TBL1XR1: variants seen among roughly 807,000 people sequenced by gnomAD.
TBL1XR1 encodes F-box-like/WD repeat-containing protein TBL1XR1.
TBL1XR1 carries 5 observed loss-of-function variants against 66.9 expected under a neutral mutation model. The observed-to-expected ratio is 0.07, with a 90% CI of 0.04 to 0.16. TBL1XR1 has a LOEUF of 0.16. TBL1XR1 is among the 10% of genes least tolerant of loss of function. The probability of loss-of-function intolerance (pLI) is 1.00; values close to 1 mark genes in which losing one functional copy is unlikely to be tolerated. For missense variants in TBL1XR1, 238 were observed against 623.2 expected (o/e 0.38, Z 6.58); for synonymous variants, 210 against 206.0 (o/e 1.02, Z -0.17).
At chr3:177,194,843 A>C (rs1469979533) in intron 1 of TBL1XR1, among the ~76,000 whole-genome samples, 1 of 152,194 alleles carries the variant, frequency 6.6e-6, no homozygotes, top group African/African-American at 2.4e-5. Context: ...TACGTATTAA[A>C]ATGCTTAACA....
At position 177,039,930 on chromosome 3, in the gene TBL1XR1, C is replaced by T. The variant is rs116365242; in HGVS notation, c.926-1496G>A. Among the ~76,000 whole-genome samples, 1,111 of 152,286 alleles carry T rather than the reference C, an allele frequency of 7.3e-3. 12 individuals carry two copies. Among genetic ancestry groups the T allele is most frequent in the African/African-American group, 0.025 (1,046 of 41,554 alleles). On this transcript the variant is annotated intron_variant, in intron 10 of 15. Transcript: ENST00000457928. ...CTACAAGGGCAGAGCTGATTAGTGG[C>T]AACTGAGATCTTATGGCCTACAATG...
At chr3:177,195,276 C>G (rs1736685637) in intron 1 of TBL1XR1, among the ~76,000 whole-genome samples, 1 of 151,962 alleles carries the variant, frequency 6.6e-6, no homozygotes, top group Admixed American at 6.6e-5. Flanking sequence ...CCTAACTGCT[C>G]TCAGGCATAC....
At chr3:177,131,413 A>G in intron 1 of TBL1XR1, 1 of 985,248 alleles carries the variant, frequency 1.0e-6, no homozygotes, top group Non-Finnish European at 1.2e-6. Flanking sequence ...AATACTGCAT[A>G]AAGTGCCTGG....
intron 2 of TBL1XR1, among the ~76,000 whole-genome samples, chr3:177,098,082 G>C (rs891840509): frequency 2.0e-5 from 3 of 152,088 alleles, no homozygotes; most frequent in African/African-American, 7.2e-5. Flanking sequence ...GGTGGCGCAT[G>C]CCTGTAATCC....
chr3:177,098,191 A>C (rs146515877), intron 2 of TBL1XR1, among the ~76,000 whole-genome samples: 2 of 150,998 alleles, frequency 1.3e-5, no homozygotes, highest in African/African-American at 4.9e-5. Flanking sequence ...CAGCCTGGCC[A>C]ACAAGAACGA....
intron 15 of TBL1XR1, 35 bp from the exon 16 acceptor site, chr3:177,025,559 A>C (rs1456772427): frequency 3.1e-6 from 5 of 1,597,530 alleles, no homozygotes; most frequent in Non-Finnish European, 4.3e-6. Flanking sequence ...CAGTGTATTC[A>C]GAATTTTATT....
At chr3:177,185,928 T>G (rs1313531613) in intron 1 of TBL1XR1, among the ~76,000 whole-genome samples, 2 of 152,238 alleles carry the variant, frequency 1.3e-5, no homozygotes, top group Non-Finnish European at 2.9e-5. Flanking sequence ...GGAGGACTGC[T>G]TAAGCCCAGG....
chr3:177,109,445 G>T (rs181398823), intron 1 of TBL1XR1, among the ~76,000 whole-genome samples: 1 of 152,264 alleles, frequency 6.6e-6, no homozygotes, highest in East Asian at 1.9e-4. Flanking sequence ...ATTTTGGGAT[G>T]ATTGTAAGAT....
intron 2 of TBL1XR1, among the ~76,000 whole-genome samples, chr3:177,070,494 A>G (rs980989634): frequency 1.3e-5 from 2 of 152,252 alleles, no homozygotes. Flanking sequence ...AGCAGTAATC[A>G]GTCACAGAAC....
intron 2 of TBL1XR1, among the ~76,000 whole-genome samples, chr3:177,077,544 A>G (rs962034517): frequency 2.6e-5 from 4 of 152,116 alleles, no homozygotes; most frequent in African/African-American, 7.2e-5. Flanking sequence ...AGTACCTATC[A>G]CCTGTATTAT....
chr3:177,152,655 A>T (rs1156343710), intron 1 of TBL1XR1, among the ~76,000 whole-genome samples: 1 of 152,128 alleles, frequency 6.6e-6, no homozygotes, highest in Non-Finnish European at 1.5e-5. Context: ...TATTCAAGTC[A>T]TGTTGGTCCT....
chr3:177,142,803 T>C (rs1020364837), intron 1 of TBL1XR1, among the ~76,000 whole-genome samples: 2 of 152,168 alleles, frequency 1.3e-5, no homozygotes, highest in African/African-American at 4.8e-5. Flanking sequence ...ATTTATGAAT[T>C]TGCCTGCTTG....
intron 1 of TBL1XR1, among the ~76,000 whole-genome samples, chr3:177,132,473 C>G (rs1728421821): frequency 6.6e-6 from 1 of 152,180 alleles, no homozygotes; most frequent in Admixed American, 6.5e-5. Flanking sequence ...TTGATGAGCA[C>G]TGTTACTTTG....
At chr3:177,130,173 G>T (rs1297396152) in intron 1 of TBL1XR1, among the ~76,000 whole-genome samples, 3 of 143,424 alleles carry the variant, frequency 2.1e-5, no homozygotes, top group South Asian at 2.2e-4. Flanking sequence ...GAAAGAAAAA[G>T]AATAAATAAA....
intron 12 of TBL1XR1, 88 bp from the exon 13 acceptor site, chr3:177,034,413 GAC>G (rs1665893472): frequency 1.0e-6 from 1 of 983,672 alleles, no homozygotes; most frequent in Non-Finnish European, 1.4e-6. Flanking sequence ...ATATTATATG[GAC>G]AGTCTAAAAC....
chr3:177,193,509 C>A (rs981491485), intron 1 of TBL1XR1, among the ~76,000 whole-genome samples: 3 of 152,158 alleles, frequency 2.0e-5, no homozygotes, highest in Non-Finnish European at 4.4e-5. Context: ...CGGGGATTCA[C>A]CATGCTGGCC....
chr3:177,130,155 A>AAAAC (rs1560208409), intron 1 of TBL1XR1, among the ~76,000 whole-genome samples: 1 of 150,974 alleles, frequency 6.6e-6, no homozygotes, highest in Non-Finnish European at 1.5e-5. Flanking sequence ...AAAAAAAAAA[A>AAAAC]AAAGAAAGAA....
intron 1 of TBL1XR1, among the ~76,000 whole-genome samples, chr3:177,112,107 A>ATATATATATATATATTTTTTT: frequency 8.0e-5 from 3 of 37,650 alleles, no homozygotes; most frequent in Non-Finnish European, 1.3e-4. Context: ...ATATATATAT[A>ATATATATATATATATTTTTTT]TTTTTTTTTT....
chr3:177,100,223 TAG>T (rs1724023019), intron 1 of TBL1XR1, among the ~76,000 whole-genome samples: 1 of 152,198 alleles, frequency 6.6e-6, no homozygotes, highest in African/African-American at 2.4e-5. Flanking sequence ...GTCTGTGTGA[TAG>T]AGACTCTGTC....
Sources: allele counts gnomAD v4.1 joint callset (sites outside exome capture counted in the v4.1 genomes callset), GRCh38; gene constraint gnomAD v4.1.1; transcripts MANE v1.5; gene names NCBI Gene and HGNC (gene_info 2026-07-23, HGNC 2026-07-21).